FAM169A: variants seen among roughly 807,000 people sequenced by gnomAD.
The protein encoded by FAM169A is soluble lamin-associated protein of 75 kDa.
FAM169A carries 24 observed loss-of-function variants against 75.7 expected under a neutral mutation model. The observed-to-expected ratio is 0.32, with a 90% confidence interval of 0.23 to 0.45. The LOEUF is 0.45. Ranked by LOEUF, FAM169A falls within the 20% of genes least tolerant of loss-of-function variation. The pLI, the probability that FAM169A is intolerant of heterozygous loss-of-function variation, is 1.00. For missense variants in FAM169A, 673 were observed against 784.0 expected (o/e 0.86, Z 1.69); for synonymous variants, 271 against 271.0 (o/e 1.00, Z 0.00).
chr5:74,858,829 C>T (rs1749886913), intron 1 of FAM169A, among the ~76,000 whole-genome samples: 1 of 152,102 alleles, frequency 6.6e-6, no homozygotes, highest in Admixed American at 6.5e-5. Flanking sequence ...TAATACAGAA[C>T]AATGCCATAT....
At chr5:74,845,600 C>T (rs369697777) in intron 1 of FAM169A, among the ~76,000 whole-genome samples, 1 of 152,174 alleles carries the variant, frequency 6.6e-6, no homozygotes, top group Non-Finnish European at 1.5e-5. Context: ...TACATTTCTA[C>T]ATCAAATTGA....
intron 1 of FAM169A, among the ~76,000 whole-genome samples, chr5:74,859,549 T>C (rs1044529601): frequency 4.6e-5 from 7 of 151,998 alleles, no homozygotes; most frequent in Admixed American, 1.3e-4. Context: ...TGGCCTCCCA[T>C]AGTGCTGGGA....
intron 1 of FAM169A, among the ~76,000 whole-genome samples, chr5:74,864,770 G>A (rs1245809781): frequency 6.6e-6 from 1 of 152,158 alleles, no homozygotes; most frequent in African/African-American, 2.4e-5. Flanking sequence ...TGTGAAAGAC[G>A]ATCATGTTTT....
chr5:74,840,331 T>C (rs550125778), intron 2 of FAM169A, among the ~76,000 whole-genome samples, 158 bp from the exon 3 acceptor site: 5 of 152,210 alleles, frequency 3.3e-5, no homozygotes, highest in South Asian at 4.2e-4. Flanking sequence ...GTAAATCAGA[T>C]AGACTTCCCT....
intron 1 of FAM169A, among the ~76,000 whole-genome samples, chr5:74,842,002 C>T (rs1475782659): frequency 6.6e-6 from 1 of 151,812 alleles, no homozygotes; most frequent in Non-Finnish European, 1.5e-5. Flanking sequence ...AATATACTCT[C>T]ATAAACCACT....
At position 74,781,312 on chromosome 5, in the gene FAM169A, G is replaced by T; in HGVS notation, c.*148C>A. ...ACAATGGTGAATTCTACGTTCTAAA[G>T]GGAAGCAAAAAACTGCATAGTAAGT... On this transcript the variant is annotated 3_prime_UTR_variant, in exon 13 of 13. Coordinates refer to ENST00000687041, the MANE Select transcript of FAM169A (RefSeq NM_001376049.1). 1 of 668,928 alleles carries T rather than the reference G, an allele frequency of 1.5e-6. No homozygotes were observed. The allele number at this position is 668,928 out of a possible 1,614,324, so 41.4% of individuals were successfully genotyped here.
intron 5 of FAM169A, among the ~76,000 whole-genome samples, chr5:74,816,780 A>G (rs115047220): frequency 2.7e-3 from 408 of 152,310 alleles, no homozygotes; most frequent in Non-Finnish European, 4.4e-3. Context: ...TTAGCATTGC[A>G]CATGTCAGAT....
chr5:74,815,139 T>C (rs949541960), intron 5 of FAM169A, among the ~76,000 whole-genome samples: 2 of 152,198 alleles, frequency 1.3e-5, no homozygotes, highest in African/African-American at 4.8e-5. Context: ...AATTTAAATT[T>C]AGAATAGGTA....
chr5:74,785,815 C>T (rs114280701), intron 11 of FAM169A, among the ~76,000 whole-genome samples: 2,051 of 152,254 alleles, frequency 0.013, 47 homozygotes, highest in African/African-American at 0.046. Flanking sequence ...GGGATAAGGA[C>T]ATGAATAGAT....
At chr5:74,840,026 A>G (rs751804902) in intron 3 of FAM169A, 48 bp downstream of exon 3, 1 of 973,298 alleles carries the variant, frequency 1.0e-6, no homozygotes, top group Middle Eastern at 2.2e-4. Context: ...AATTTCTAAC[A>G]GTTTGGAGAA....
chr5:74,799,713 A>C, intron 10 of FAM169A: 1 of 1,230,056 alleles, frequency 8.1e-7, no homozygotes, highest in Non-Finnish European at 1.2e-6. Context: ...TGCATGTCTC[A>C]ATCTGAAGAC....
At chr5:74,794,891 G>A (rs1746188361) in intron 11 of FAM169A, among the ~76,000 whole-genome samples, 1 of 152,128 alleles carries the variant, frequency 6.6e-6, no homozygotes, top group South Asian at 2.1e-4. Flanking sequence ...GGAGATGGAG[G>A]CTGCAGTGAG....
intron 11 of FAM169A, among the ~76,000 whole-genome samples, chr5:74,793,407 G>A (rs1357177934): frequency 6.6e-6 from 1 of 151,714 alleles, no homozygotes; most frequent in Non-Finnish European, 1.5e-5. Flanking sequence ...GGCATTCACA[G>A]CAACCTGCAT....
chr5:74,845,027 C>T (rs73120630), intron 1 of FAM169A, among the ~76,000 whole-genome samples: 3,635 of 152,148 alleles, frequency 0.024, 144 homozygotes, highest in African/African-American at 0.083. Context: ...TTTGAAATGA[C>T]CTTCAAACTT....
chr5:74,845,594 T>A (rs1396324015), intron 1 of FAM169A, among the ~76,000 whole-genome samples: 1 of 152,210 alleles, frequency 6.6e-6, no homozygotes, highest in Non-Finnish European at 1.5e-5. Flanking sequence ...AATATGTACA[T>A]TTCTACATCA....
intron 11 of FAM169A, among the ~76,000 whole-genome samples, 169 bp downstream of exon 11, chr5:74,795,861 C>A (rs146416814): frequency 1.5e-3 from 222 of 152,238 alleles, no homozygotes; most frequent in African/African-American, 4.8e-3. Flanking sequence ...GTAATTTTAT[C>A]CTCTCCCCAA....
At chr5:74,788,124 C>T (rs1243707743) in intron 11 of FAM169A, among the ~76,000 whole-genome samples, 2 of 152,154 alleles carry the variant, frequency 1.3e-5, no homozygotes, top group East Asian at 3.9e-4. Context: ...TCTGAGCTGA[C>T]GTTGATTCCG....
intron 5 of FAM169A, among the ~76,000 whole-genome samples, chr5:74,824,712 C>A (rs1394466580): frequency 1.1e-5 from 1 of 88,790 alleles, no homozygotes; most frequent in East Asian, 2.9e-4. Flanking sequence ...CACACATACA[C>A]ACACACACAC....
chr5:74,847,938 G>A (rs1407045858), intron 1 of FAM169A, among the ~76,000 whole-genome samples: 1 of 152,010 alleles, frequency 6.6e-6, no homozygotes, highest in East Asian at 1.9e-4. Flanking sequence ...GCATACAGAA[G>A]AGCACCAGGG....
Sources: gnomAD v4.1 joint callset for allele counts (sites outside exome capture counted in the v4.1 genomes callset) on GRCh38, gnomAD v4.1.1 for gene constraint, MANE v1.5 for transcripts, NCBI Gene and HGNC (gene_info 2026-07-23, HGNC 2026-07-21) for gene names.